Variants in IL23R observed in about 807,000 individuals in gnomAD.
IL23R encodes interleukin 23 receptor, also known as interleukin-23 receptor.
In IL23R, 34 loss-of-function variants were observed where a neutral mutation model predicts 56.9. That is an observed-to-expected ratio of 0.60 (90% CI 0.45 to 0.80). The LOEUF (loss-of-function observed/expected upper bound fraction) is 0.80. Among genes scored for constraint, IL23R ranks in the 30% least tolerant of loss-of-function variants. The pLI is 0.00. For missense variants in IL23R, 635 were observed against 730.0 expected (o/e 0.87, Z 1.50); for synonymous variants, 230 against 249.2 (o/e 0.92, Z 0.73).
rs565299578 is a variant in IL23R, at chr1:67,220,595, C to T, written c.955+865C>T. The stretch of plus-strand genomic sequence containing the variant: ...TAAAAACCATCTGGGAGGCTGGGTA[C>T]GCTGGTTTACACCTGTAATCCCAGC... On this transcript the variant is annotated intron_variant, in intron 7 of 10. Transcript: ENST00000347310. Among the ~76,000 whole-genome samples the T allele has an allele frequency of 8.5e-5, 13 of 152,118 alleles. No individual in the cohort carries two copies. In the South Asian group the frequency reaches 1.0e-3, roughly 12 times the overall value.
rs1047542850 is a variant in IL23R at position 67,238,669 on chromosome 1, C to T, written c.1046-1510C>T. ...ATTCAAACCCAGGTATATCAGGCCACGCTCTTGGTCATTCTGCTCTACTGC... is the reference window on the plus strand; with the variant it reads ...ATTCAAACCCAGGTATATCAGGCCATGCTCTTGGTCATTCTGCTCTACTGC... On this transcript the variant is annotated intron_variant, in intron 8 of 10. Transcript: ENST00000347310. Among the ~76,000 whole-genome samples the T allele has an allele frequency of 3.9e-5, 6 of 152,292 alleles. No homozygotes were observed. The East Asian group carries it at 7.7e-4, about 20-fold the overall frequency.
chr1:67,158,706 G>A (rs1232728149), intron 1 of IL23R, among the ~76,000 whole-genome samples: 1 of 152,080 alleles, frequency 6.6e-6, no homozygotes, highest in Non-Finnish European at 1.5e-5. Flanking sequence ...CCTCTGGAGT[G>A]AAGTACCATC....
At chr1:67,190,060 C>T (rs1160322107) in intron 4 of IL23R, among the ~76,000 whole-genome samples, 1 of 152,190 alleles carries the variant, frequency 6.6e-6, no homozygotes, top group Non-Finnish European at 1.5e-5. Flanking sequence ...AGGAGCTCTT[C>T]TAAACGTTCA....
intron 3 of IL23R, among the ~76,000 whole-genome samples, chr1:67,179,788 A>G (rs879128759): frequency 4.0e-5 from 6 of 151,864 alleles, no homozygotes; most frequent in Non-Finnish European, 8.8e-5. Flanking sequence ...ACACTGCTTT[A>G]AATGTGTCCC....
At chr1:67,186,916 T>C (rs933455477) in intron 4 of IL23R, among the ~76,000 whole-genome samples, 2 of 152,216 alleles carry the variant, frequency 1.3e-5, no homozygotes, top group Admixed American at 6.5e-5. Context: ...CCAACGCGCC[T>C]GGCCCTTTAT....
intron 1 of IL23R, among the ~76,000 whole-genome samples, chr1:67,150,484 A>C (rs1646718225): frequency 6.6e-6 from 1 of 151,774 alleles, no homozygotes. Context: ...ATGTGTTCTC[A>C]TCGCTCAACT....
rs869223335 is a variant in IL23R, at chr1:67,227,958, C to CTT, written c.955+8230_955+8231dup. Among the ~76,000 whole-genome samples the CTT allele has an allele frequency of 1.1e-4, 4 of 35,948 alleles. No homozygotes were observed. The East Asian group carries it at 1.8e-3, about 17-fold the overall frequency. The allele number at this position is 35,948 out of a possible 152,430, so 23.6% of individuals were successfully genotyped here. A position where few individuals can be genotyped will look rare whatever the true frequency, so the allele number is the denominator to read the frequency against. On this transcript the variant is annotated intron_variant, in intron 7 of 10. Coordinates refer to ENST00000347310, the MANE Select transcript of IL23R (RefSeq NM_144701.3). Reference sequence around the variant, plus strand: ...AACAAAGATCTTTCTTTCTTTCTTTCTTTCTTTCTTTCTTTCTTTCTTTCT... The same window carrying CTT: ...AACAAAGATCTTTCTTTCTTTCTTTCTTTTTCTTTCTTTCTTTCTTTCTTTCT...
chr1:67,141,887 G>A (rs1646641108), intron 1 of IL23R, among the ~76,000 whole-genome samples: 1 of 152,166 alleles, frequency 6.6e-6, no homozygotes, highest in African/African-American at 2.4e-5. Context: ...GCATTTCGTG[G>A]GGCAGGGGGA....
At chr1:67,246,104 A>T (rs887117066) in intron 9 of IL23R, among the ~76,000 whole-genome samples, 4 of 152,108 alleles carry the variant, frequency 2.6e-5, no homozygotes, top group Non-Finnish European at 5.9e-5. Context: ...GCACAGAGGT[A>T]TTTATAGTAT....
At chr1:67,149,281 G>A (rs528107384) in intron 1 of IL23R, among the ~76,000 whole-genome samples, 16 of 152,230 alleles carry the variant, frequency 1.1e-4, no homozygotes, top group African/African-American at 3.6e-4. Context: ...TGTGAGACCT[G>A]GGAGTTGTTA....
At chr1:67,224,525 A>G (rs1435812757) in intron 7 of IL23R, among the ~76,000 whole-genome samples, 1 of 152,208 alleles carries the variant, frequency 6.6e-6, no homozygotes, top group Non-Finnish European at 1.5e-5. Context: ...CAAATCCTGA[A>G]GTGGGTATGG....
chr1:67,160,037 C>A (rs991613627), intron 1 of IL23R, among the ~76,000 whole-genome samples: 1 of 151,974 alleles, frequency 6.6e-6, no homozygotes, highest in African/African-American at 2.4e-5. Flanking sequence ...TTAAAAAATA[C>A]AGATGAGGTT....
chr1:67,203,012 C>A (rs1157024278), intron 5 of IL23R, among the ~76,000 whole-genome samples: 1 of 152,066 alleles, frequency 6.6e-6, no homozygotes, highest in Non-Finnish European at 1.5e-5. Context: ...AGGTAGAATG[C>A]AGTAATATAC....
At chr1:67,192,102 C>A (rs138808415) in intron 4 of IL23R, among the ~76,000 whole-genome samples, 1 of 152,262 alleles carries the variant, frequency 6.6e-6, no homozygotes, top group East Asian at 1.9e-4. Context: ...TAAAGGGAAG[C>A]TTTTATTACC....
intron 4 of IL23R, among the ~76,000 whole-genome samples, chr1:67,191,612 GA>G (rs201762222): frequency 4.6e-5 from 7 of 151,362 alleles, no homozygotes; most frequent in East Asian, 1.9e-4. Context: ...TTCTTTTTAT[GA>G]AAAAAAATCA....
rs191321580 is a variant in IL23R at position 67,241,009 on chromosome 1, A to C, written c.1148+728A>C. Among the ~76,000 whole-genome samples, 15 of 152,362 alleles carry C rather than the reference A, an allele frequency of 9.8e-5. No individual in the cohort carries two copies. The East Asian group carries it at 2.9e-3, about 29-fold the overall frequency. On this transcript the variant is annotated intron_variant, in intron 9 of 10. Transcript: ENST00000347310. ...AAGACTCAGCTATTGTTACGGGCAC[A>C]TACTACTAAGTTAGGTTTTCAATCT...
Position 67,219,665 on chromosome 1 carries a change from A to G in IL23R, c.890A>G (p.Gln297Arg). The G allele has an allele frequency of 1.2e-6, 2 of 1,614,162 alleles. No individual in the cohort carries two copies. Among genetic ancestry groups the G allele is most frequent in the African/African-American group, 1.3e-5 (1 of 75,056 alleles). Residue 297 changes from glutamine (Q) to arginine (R), a missense_variant, in exon 7 of 11, where the codon CAA becomes CGA. Coordinates refer to ENST00000347310, the MANE Select transcript of IL23R (RefSeq NM_144701.3). ...AAGTACGTATTTCAAGTGAGATGTCAAGAAACAGGCAAAAGGTACTGGCAG... is the reference window on the plus strand; with the variant it reads ...AAGTACGTATTTCAAGTGAGATGTCGAGAAACAGGCAAAAGGTACTGGCAG... ...NIKYVFQVRC[Q>R]ETGKRYWQPW...
intron 9 of IL23R, among the ~76,000 whole-genome samples, chr1:67,247,325 A>C (rs1652296381): frequency 7.0e-6 from 1 of 141,870 alleles, no homozygotes; most frequent in Non-Finnish European, 1.5e-5. Flanking sequence ...TTTTTTTGAG[A>C]TGGAGTTTCA....
chr1:67,263,370 AACC>A (rs2100406084), downstream of IL23R, among the ~76,000 whole-genome samples: 1 of 152,182 alleles, frequency 6.6e-6, no homozygotes, highest in Admixed American at 6.5e-5. Context: ...TATAGGCATG[AACC>A]ACTGCACCCA....
Sources: allele counts gnomAD v4.1 joint callset (sites outside exome capture counted in the v4.1 genomes callset), GRCh38; gene constraint gnomAD v4.1.1; transcripts MANE v1.5; gene names NCBI Gene and HGNC (gene_info 2026-07-23, HGNC 2026-07-21).